Variants in SYBU observed in about 807,000 individuals in gnomAD.
The protein encoded by SYBU is GOLSYN A protein.
Under a neutral mutation model 35.9 loss-of-function variants are expected in SYBU, and 21 were observed. That is an observed-to-expected ratio of 0.58 (90% CI 0.41 to 0.84). SYBU has a LOEUF of 0.84. SYBU is among the 40% of genes least tolerant of loss of function. The pLI, the probability that SYBU is intolerant of heterozygous loss-of-function variation, is 0.00. For synonymous variants in SYBU, 319 were observed against 324.3 expected, an observed-to-expected ratio of 0.98 and a Z score of 0.18; for missense variants, 768 against 848.2, an observed-to-expected ratio of 0.91 and a Z score of 1.17.
At chr8:109,592,916 C>T (rs1824446533) in intron 3 of SYBU, among the ~76,000 whole-genome samples, 1 of 152,118 alleles carries the variant, frequency 6.6e-6, no homozygotes, top group Non-Finnish European at 1.5e-5. Context: ...ATAATGATTC[C>T]CATCCCATTG....
chr8:109,660,266 C>T (rs1052033512), intron 1 of SYBU, among the ~76,000 whole-genome samples: 2 of 152,106 alleles, frequency 1.3e-5, no homozygotes, highest in African/African-American at 2.4e-5. Flanking sequence ...CAGTTTTAAC[C>T]AATGGCTTCC....
chr8:109,591,359 G>A (rs1824223963), intron 3 of SYBU, among the ~76,000 whole-genome samples: 1 of 152,008 alleles, frequency 6.6e-6, no homozygotes, highest in East Asian at 1.9e-4. Context: ...AGGAAAGTGT[G>A]GATATAAAGA....
upstream of SYBU, chr8:109,647,861 G>A (rs1815867132): frequency 1.3e-5 from 2 of 152,214 alleles, no homozygotes; most frequent in Non-Finnish European, 2.9e-5. Context: ...GGGAAAGGCT[G>A]ATGATTTAGT....
At chr8:109,652,659 T>A (rs1463462079) in intron 1 of SYBU, among the ~76,000 whole-genome samples, 3 of 152,188 alleles carry the variant, frequency 2.0e-5, no homozygotes, top group African/African-American at 7.2e-5. Context: ...TTTTGACAGG[T>A]AAAGTCTCTT....
In SYBU at chr8:109,575,512, G is replaced by A; in HGVS notation, c.1386C>T (p.Thr462=). Residue 462 remains threonine (T), a synonymous_variant, in exon 7 of 7, where the codon ACC becomes ACT. Coordinates refer to ENST00000276646, the MANE Select transcript of SYBU (RefSeq NM_001099754.2). ...GCAGCTCCAGGACGTTAGCCCCAGGGGTGGAATGCACAAGCTCCAGGTCAC... is the reference window on the plus strand; with the variant it reads ...GCAGCTCCAGGACGTTAGCCCCAGGAGTGGAATGCACAAGCTCCAGGTCAC... The part of the protein sequence containing the change: ...ESGDLELVHS[T]PGANVLELLP... 2 of 1,614,130 alleles carry A rather than the reference G, an allele frequency of 1.2e-6. No homozygotes were observed. Among genetic ancestry groups the A allele is most frequent in the Non-Finnish European group, 1.7e-6 (2 of 1,180,034 alleles).
chr8:109,619,266 C>G (rs985551978), intron 2 of SYBU, among the ~76,000 whole-genome samples: 1 of 151,938 alleles, frequency 6.6e-6, no homozygotes, highest in Non-Finnish European at 1.5e-5. Flanking sequence ...CTGTGTCACC[C>G]AGGCTGAAGT....
chr8:109,677,862 C>T (rs1490092673), intron 1 of SYBU, among the ~76,000 whole-genome samples: 8 of 151,912 alleles, frequency 5.3e-5, no homozygotes, highest in East Asian at 1.9e-4. Flanking sequence ...AAAGTAAGTC[C>T]GGGAGCTCAC....
At chr8:109,614,951 G>T (rs1265067684) in intron 3 of SYBU, among the ~76,000 whole-genome samples, 3 of 152,178 alleles carry the variant, frequency 2.0e-5, no homozygotes, top group African/African-American at 7.2e-5. Context: ...TGTTGGCAAG[G>T]TACAGGCTTG....
chr8:109,689,291 C>CAA lies in SYBU; in HGVS notation c.-58+2041_-58+2042insTT, dbSNP rs1817590931. ...CAGAAAACTGACATTGGTGCAATGCCTGTTTACAGCTCTATGATTTTTTAA... is the reference window on the plus strand; with the variant it reads ...CAGAAAACTGACATTGGTGCAATGCCAATGTTTACAGCTCTATGATTTTTTAA... On this transcript the variant is annotated intron_variant, in intron 1 of 7. Transcript: ENST00000422135. Among the ~76,000 whole-genome samples the CAA allele has an allele frequency of 2.6e-5, 4 of 152,040 alleles. No individual in the cohort carries two copies. The South Asian group carries it at 8.3e-4, about 32-fold the overall frequency.
intron 1 of SYBU, among the ~76,000 whole-genome samples, chr8:109,662,484 C>A (rs912312338): frequency 2.0e-5 from 3 of 152,198 alleles, no homozygotes; most frequent in Non-Finnish European, 4.4e-5. Context: ...CCCATGGCCA[C>A]TGCTCTAGTC....
intron 3 of SYBU, among the ~76,000 whole-genome samples, chr8:109,612,397 G>T (rs575921452): frequency 1.3e-5 from 2 of 152,252 alleles, no homozygotes; most frequent in South Asian, 4.1e-4. Context: ...TTTGAGGCTC[G>T]GGTTTGCTGC....
At chr8:109,653,977 C>T (rs1044300095) in intron 1 of SYBU, among the ~76,000 whole-genome samples, 4 of 152,148 alleles carry the variant, frequency 2.6e-5, no homozygotes, top group Non-Finnish European at 5.9e-5. Flanking sequence ...TTGAGAGTAT[C>T]AGAGGAGTTA....
chr8:109,585,941 A>T, intron 4 of SYBU, 119 bp downstream of exon 4: 2 of 700,388 alleles, frequency 2.9e-6, no homozygotes, highest in East Asian at 2.8e-5. Flanking sequence ...CAAAACAAAA[A>T]GCCTCACTGA....
intron 4 of SYBU, among the ~76,000 whole-genome samples, chr8:109,583,387 T>C (rs1823258099): frequency 6.6e-6 from 1 of 152,228 alleles, no homozygotes; most frequent in Non-Finnish European, 1.5e-5. Flanking sequence ...GATTTTTATC[T>C]TCCAAACAGA....
At chr8:109,582,032 T>C (rs910196446) in intron 4 of SYBU, among the ~76,000 whole-genome samples, 1 of 152,206 alleles carries the variant, frequency 6.6e-6, no homozygotes, top group Non-Finnish European at 1.5e-5. Context: ...TTCTTTTCCA[T>C]GCTTCACTTC....
intron 3 of SYBU, among the ~76,000 whole-genome samples, chr8:109,610,181 C>T (rs1811015770): frequency 6.6e-6 from 1 of 152,252 alleles, no homozygotes; most frequent in Non-Finnish European, 1.5e-5. Flanking sequence ...TATCCCCCAT[C>T]ACTCTCCAGT....
At chr8:109,667,146 T>TAC (rs1816783899) in intron 1 of SYBU, among the ~76,000 whole-genome samples, 1 of 152,204 alleles carries the variant, frequency 6.6e-6, no homozygotes, top group Non-Finnish European at 1.5e-5. Flanking sequence ...AGACAGAGTC[T>TAC]GGCTCTGTCG....
At chr8:109,578,189 A>G (rs1255952676) in intron 5 of SYBU, among the ~76,000 whole-genome samples, 172 bp from the exon 6 acceptor site, 1 of 152,234 alleles carries the variant, frequency 6.6e-6, no homozygotes, top group Non-Finnish European at 1.5e-5. Flanking sequence ...GAATTAGCCC[A>G]TAAGGGTGAA....
intron 3 of SYBU, among the ~76,000 whole-genome samples, chr8:109,599,858 A>G (rs1421518343): frequency 6.6e-6 from 1 of 152,178 alleles, no homozygotes; most frequent in Admixed American, 6.5e-5. Context: ...ACCACTGCCA[A>G]TGGAACCATT....
Sources: gnomAD v4.1 joint callset for allele counts (sites outside exome capture counted in the v4.1 genomes callset) on GRCh38, gnomAD v4.1.1 for gene constraint, MANE v1.5 for transcripts, NCBI Gene and HGNC (gene_info 2026-07-23, HGNC 2026-07-21) for gene names.